Variants in NDUFS4 observed in about 807,000 individuals in gnomAD.
NDUFS4 encodes NADH:ubiquinone oxidoreductase subunit S4.
In NDUFS4, 28 loss-of-function variants were observed where a neutral mutation model predicts 24.3. That is an observed-to-expected ratio of 1.15 (90% confidence interval 0.85 to 1.58). NDUFS4 has a LOEUF of 1.58. NDUFS4 is among the 40% of genes most tolerant of loss of function. The probability of loss-of-function intolerance (pLI) is 0.00; values close to 1 mark genes in which losing one functional copy is unlikely to be tolerated. For missense variants in NDUFS4, 223 were observed against 207.9 expected (o/e 1.07, Z -0.45); for synonymous variants, 93 against 69.7 (o/e 1.34, Z -1.67).
chr5:53,601,292 C>T (rs991116132), intron 1 of NDUFS4, among the ~76,000 whole-genome samples: 2 of 151,944 alleles, frequency 1.3e-5, no homozygotes, highest in Admixed American at 6.6e-5. Flanking sequence ...CATGAGCCAC[C>T]GCGCCCGGCT....
chr5:53,601,852 A>G (rs571468562), intron 1 of NDUFS4, among the ~76,000 whole-genome samples: 2 of 152,326 alleles, frequency 1.3e-5, no homozygotes, highest in South Asian at 4.1e-4. Flanking sequence ...TGACCGTCTC[A>G]GTATTGCAGT....
intron 2 of NDUFS4, among the ~76,000 whole-genome samples, chr5:53,626,214 A>C (rs1005100772): frequency 6.6e-6 from 1 of 152,058 alleles, no homozygotes; most frequent in Non-Finnish European, 1.5e-5. Context: ...AAGGACATGA[A>C]CTCATCCTTT....
intron 2 of NDUFS4, among the ~76,000 whole-genome samples, chr5:53,623,812 G>A (rs1344809871): frequency 1.3e-5 from 2 of 152,002 alleles, no homozygotes; most frequent in Non-Finnish European, 2.9e-5. Flanking sequence ...TCTGCCTCCC[G>A]GGATCAAGCG....
chr5:53,678,549 A>T (rs1740551095), intron 4 of NDUFS4, among the ~76,000 whole-genome samples: 1 of 152,176 alleles, frequency 6.6e-6, no homozygotes, highest in Admixed American at 6.6e-5. Context: ...AGGACAACAT[A>T]TGGGACCATT....
intron 4 of NDUFS4, among the ~76,000 whole-genome samples, chr5:53,673,860 A>G (rs1561401375): frequency 6.6e-6 from 1 of 152,314 alleles, no homozygotes; most frequent in Non-Finnish European, 1.5e-5. Flanking sequence ...TTCTATAGCT[A>G]TATGCATTCC....
At chr5:53,582,167 C>T (rs1340382483) in intron 1 of NDUFS4, among the ~76,000 whole-genome samples, 4 of 151,394 alleles carry the variant, frequency 2.6e-5, no homozygotes, top group South Asian at 2.1e-4. Flanking sequence ...GCCGAGATCG[C>T]GCCACTGCAC....
At chr5:53,572,958 TTTTTTTTTTTTG>T (rs1400293044) in intron 1 of NDUFS4, among the ~76,000 whole-genome samples, 2 of 84,206 alleles carry the variant, frequency 2.4e-5, no homozygotes, top group African/African-American at 1.2e-4. Context: ...TTGTTTTTTG[TTTTTTTTTTTTG>T]TTTTTTTTTT....
intron 2 of NDUFS4, among the ~76,000 whole-genome samples, chr5:53,629,458 T>A (rs577720550): frequency 1.3e-5 from 2 of 152,198 alleles, no homozygotes; most frequent in Non-Finnish European, 2.9e-5. Flanking sequence ...CTCGTTGATG[T>A]GTCTAATATT....
rs920522530 is a variant in NDUFS4 at position 53,611,107 on chromosome 5, C to G, written c.177+7577C>G. On this transcript the variant is annotated intron_variant, in intron 2 of 4. Coordinates refer to ENST00000296684, the MANE Select transcript of NDUFS4 (RefSeq NM_002495.4). ...AGCTTATTTTATTTTTTTACTGTTA[C>G]ATTTTAGAATTTTCTATACAGTATA... Among the ~76,000 whole-genome samples the G allele has an allele frequency of 4.6e-5, 7 of 151,584 alleles. No individual in the cohort carries two copies. In the East Asian group the frequency reaches 1.4e-3, roughly 29 times the overall value.
intron 1 of NDUFS4, among the ~76,000 whole-genome samples, chr5:53,587,092 G>A (rs1188711112): frequency 6.6e-6 from 1 of 152,032 alleles, no homozygotes; most frequent in African/African-American, 2.4e-5. Context: ...TCAAAGTGCT[G>A]GGATTACAGG....
intron 1 of NDUFS4, among the ~76,000 whole-genome samples, chr5:53,566,684 C>T (rs758073973): frequency 6.6e-6 from 1 of 152,126 alleles, no homozygotes; most frequent in Non-Finnish European, 1.5e-5. Flanking sequence ...AACTTCTGTA[C>T]ATCCTCCTAT....
intron 1 of NDUFS4, among the ~76,000 whole-genome samples, chr5:53,592,891 G>T (rs1750019208): frequency 6.6e-6 from 1 of 152,100 alleles, no homozygotes; most frequent in African/African-American, 2.4e-5. Context: ...ATCATGCCTG[G>T]AATAAATCCT....
At chr5:53,616,965 A>C (rs1268733819) in intron 2 of NDUFS4, among the ~76,000 whole-genome samples, 1 of 152,168 alleles carries the variant, frequency 6.6e-6, no homozygotes, top group Non-Finnish European at 1.5e-5. Context: ...TGAATTTGAA[A>C]TTGCTTTTTG....
At chr5:53,669,828 A>C (rs1257291956) in intron 4 of NDUFS4, among the ~76,000 whole-genome samples, 1 of 152,210 alleles carries the variant, frequency 6.6e-6, no homozygotes, top group Non-Finnish European at 1.5e-5. Flanking sequence ...CAGCAAATTT[A>C]GTAACGTTGT....
At chr5:53,658,044 A>T (rs1752215638) in intron 3 of NDUFS4, among the ~76,000 whole-genome samples, 1 of 152,166 alleles carries the variant, frequency 6.6e-6, no homozygotes, top group Admixed American at 6.5e-5. Flanking sequence ...TGGATGTCAG[A>T]TCTTAGAGCT....
Position 53,603,476 on chromosome 5 carries a change from A to G in NDUFS4, c.123A>G (p.Arg41=), listed in dbSNP as rs200060526. The change falls in exon 2 of 5, where the codon AGA becomes AGG. Residue 41 remains arginine, a synonymous_variant. Coordinates refer to ENST00000296684, the MANE Select transcript of NDUFS4 (RefSeq NM_002495.4). ...GGTCGTTGAGGACTTCCACATGGAG[A>G]TTGGCACAGGACCAGACTCAAGACA... ...PTRSLRTSTW[R]LAQDQTQDTQ... 2.5e-6 allele frequency: 4 copies of G among 1,613,602 alleles called. No homozygotes were observed. The Admixed American group carries it at 5.0e-5, about 20-fold the overall frequency.
intron 1 of NDUFS4, among the ~76,000 whole-genome samples, chr5:53,579,230 A>G (rs546213867): frequency 1.3e-5 from 2 of 152,334 alleles, no homozygotes; most frequent in East Asian, 1.9e-4. Context: ...TTGTTTCTTA[A>G]GAGTTTGATT....
intron 1 of NDUFS4, among the ~76,000 whole-genome samples, chr5:53,599,225 T>TA (rs993608336): frequency 6.6e-6 from 1 of 152,134 alleles, no homozygotes; most frequent in Admixed American, 6.5e-5. Context: ...AATGCTGCTA[T>TA]AAACATTGGT....
intron 1 of NDUFS4, among the ~76,000 whole-genome samples, chr5:53,574,559 A>G (rs975158814): frequency 1.3e-5 from 2 of 152,160 alleles, no homozygotes; most frequent in African/African-American, 2.4e-5. Context: ...TAGATTTGGT[A>G]TCAGGGTAAT....
Sources: allele counts gnomAD v4.1 joint callset (sites outside exome capture counted in the v4.1 genomes callset), GRCh38; gene constraint gnomAD v4.1.1; transcripts MANE v1.5; gene names NCBI Gene and HGNC (gene_info 2026-07-23, HGNC 2026-07-21).